The following PIP5K1A variants were observed in gnomAD, a reference collection of about 807,000 sequenced individuals.
PIP5K1A encodes phosphatidylinositol-4-phosphate 5-kinase type 1 alpha.
Under a neutral mutation model 72.9 loss-of-function variants are expected in PIP5K1A, and 46 were observed. The observed-to-expected ratio is 0.63, with a 90% CI of 0.50 to 0.81. The LOEUF (loss-of-function observed/expected upper bound fraction) is 0.81, where lower values mean the gene tolerates loss of function less well. Ranked by LOEUF, PIP5K1A falls within the 30% of genes least tolerant of loss-of-function variation. The probability of loss-of-function intolerance (pLI) is 0.00; values close to 1 mark genes in which losing one functional copy is unlikely to be tolerated. For missense variants in PIP5K1A, 458 were observed against 706.1 expected, an observed-to-expected ratio of 0.65 and a Z score of 3.98; for synonymous variants, 228 against 255.1, an observed-to-expected ratio of 0.89 and a Z score of 1.01.
upstream of PIP5K1A, among the ~76,000 whole-genome samples, chr1:151,196,678 C>T (rs193145677): frequency 1.3e-3 from 191 of 150,488 alleles, 1 homozygote; most frequent in African/African-American, 4.5e-3. Context: ...CCTCAGCCTC[C>T]GGCGTAGCGA....
Position 151,238,276 on chromosome 1 carries a change from T to C in PIP5K1A, c.1229+11T>C. 2 of 1,537,424 alleles carry C rather than the reference T, an allele frequency of 1.3e-6. No homozygotes were observed. Among genetic ancestry groups the C allele is most frequent in the Non-Finnish European group, 1.8e-6 (2 of 1,110,164 alleles). ...TCTACAGTCTTACAGGTGAGGAGCA[T>C]ATGGATCCCAAATTAAGAGAGGGTG... On this transcript the variant is annotated intron_variant, in intron 10 of 15. Coordinates refer to ENST00000368888, the MANE Select transcript of PIP5K1A (RefSeq NM_001135638.2).
chr1:151,199,313 T>C, intron 1 of PIP5K1A: 1 of 784,726 alleles, frequency 1.3e-6, no homozygotes, highest in Non-Finnish European at 1.9e-6. Flanking sequence ...GGATGGAGAT[T>C]GAAGGTGGGG....
At chr1:151,239,272 T>C in intron 11 of PIP5K1A, 94 bp downstream of exon 11, 1 of 818,004 alleles carries the variant, frequency 1.2e-6, no homozygotes, top group Non-Finnish European at 2.0e-6. Flanking sequence ...CTTTTTTCTT[T>C]TTTCTTTTTT....
intron 1 of PIP5K1A, among the ~76,000 whole-genome samples, chr1:151,214,446 T>A (rs945437160): frequency 2.8e-4 from 43 of 151,974 alleles, no homozygotes; most frequent in African/African-American, 1.0e-3. Context: ...AGTGACCCCA[T>A]CTCGGCTCAC....
At chr1:151,243,685 T>A (rs1403986352) in intron 14 of PIP5K1A, among the ~76,000 whole-genome samples, 1 of 152,208 alleles carries the variant, frequency 6.6e-6, no homozygotes. Flanking sequence ...CTGAGTTCTT[T>A]TCTCAGGCTG....
chr1:151,216,228 A>T (rs938825195), intron 1 of PIP5K1A, among the ~76,000 whole-genome samples: 2 of 152,008 alleles, frequency 1.3e-5, no homozygotes, highest in African/African-American at 4.8e-5. Flanking sequence ...GGGTGCCTGT[A>T]GTCCCAGCTA....
chr1:151,232,809 G>A (rs1441070113), intron 7 of PIP5K1A, 106 bp downstream of exon 7: 20 of 1,045,590 alleles, frequency 1.9e-5, no homozygotes, highest in Non-Finnish European at 2.8e-5. Context: ...TATCTTAAGA[G>A]TGTAGTTCAG....
chr1:151,227,588 T>C (rs1040997036), intron 4 of PIP5K1A, among the ~76,000 whole-genome samples, 188 bp downstream of exon 4: 3 of 152,224 alleles, frequency 2.0e-5, no homozygotes, highest in Non-Finnish European at 4.4e-5. Flanking sequence ...TGTATATGAA[T>C]GTTTAAATGA....
At chr1:151,218,494 A>G (rs961105629) in intron 1 of PIP5K1A, among the ~76,000 whole-genome samples, 5 of 152,088 alleles carry the variant, frequency 3.3e-5, no homozygotes, top group African/African-American at 1.2e-4. Context: ...TTCTAGTTCC[A>G]TTGGTGCTTT....
chr1:151,197,361 C>T (rs1684653934), upstream of PIP5K1A, among the ~76,000 whole-genome samples: 1 of 152,176 alleles, frequency 6.6e-6, no homozygotes, highest in Admixed American at 6.5e-5. Flanking sequence ...TCACTGCAAG[C>T]TCCGCCTCCC....
intron 7 of PIP5K1A, 50 bp downstream of exon 7, chr1:151,232,753 G>C: frequency 6.6e-7 from 1 of 1,511,384 alleles, no homozygotes; most frequent in South Asian, 1.1e-5. Flanking sequence ...TTCTGGGCAA[G>C]GCTGGGGAGG....
chr1:151,200,584 A>G (rs1382044804), intron 1 of PIP5K1A, among the ~76,000 whole-genome samples: 1 of 152,138 alleles, frequency 6.6e-6, no homozygotes, highest in Non-Finnish European at 1.5e-5. Context: ...TTTGCTGTTT[A>G]GAATTTGCTG....
chr1:151,198,994 A>G lies in PIP5K1A; in HGVS notation c.-3A>G, dbSNP rs1490104462. On this transcript the variant is annotated 5_prime_UTR_variant, in exon 1 of 16. Coordinates refer to ENST00000368888, the MANE Select transcript of PIP5K1A (RefSeq NM_001135638.2). ...GGCCGCTGAGGGGGAGGGGGCTGCT[A>G]AGATGGCGTCGGCCTCCTCCGGGCC... The G allele has an allele frequency of 7.4e-6, 12 of 1,613,710 alleles. No individual in the cohort carries two copies. Among genetic ancestry groups the G allele is most frequent in the Non-Finnish European group, 1.0e-5 (12 of 1,179,786 alleles).
At chr1:151,203,822 CAAA>C (rs587774732) in intron 1 of PIP5K1A, among the ~76,000 whole-genome samples, 9 of 83,584 alleles carry the variant, frequency 1.1e-4, no homozygotes, top group East Asian at 3.2e-4. Flanking sequence ...GACTCTGTCT[CAAA>C]AAAAAAAAAA....
intron 1 of PIP5K1A, among the ~76,000 whole-genome samples, chr1:151,202,904 C>G (rs587750362): frequency 5.5e-4 from 83 of 151,158 alleles, no homozygotes; most frequent in African/African-American, 2.0e-3. Context: ...TCCCAAGTAA[C>G]TGAGATTACA....
Position 151,239,974 on chromosome 1 carries a change from G to A in PIP5K1A, c.1298G>A (p.Arg433His), listed in dbSNP as rs1433513533. 11 of 1,612,324 alleles carry A rather than the reference G, an allele frequency of 6.8e-6. No individual in the cohort carries two copies. Among genetic ancestry groups the A allele is most frequent in the Admixed American group, 3.3e-5 (2 of 59,866 alleles). ...CTGCAGGACACTGTCTCAGTGCATC[G>A]CCCAGGCTTCTACGCTGAACGGTTC... ...VHDGDTVSVH[R>H]PGFYAERFQR... is the part of the protein sequence containing the mutation. Residue 433 changes from arginine (R) to histidine (H), a missense_variant, in exon 12 of 16, where the codon CGC (arginine) becomes CAC (histidine). Coordinates refer to ENST00000368888, the MANE Select transcript of PIP5K1A (RefSeq NM_001135638.2).
Position 151,211,762 on chromosome 1 carries a change from T to A in PIP5K1A, c.86-12483T>A, listed in dbSNP as rs190339624. Among the ~76,000 whole-genome samples, 662 of 145,456 alleles carry A rather than the reference T, an allele frequency of 4.6e-3. 7 individuals carry two copies. Among genetic ancestry groups the A allele is most frequent in the African/African-American group, 0.016 (625 of 39,184 alleles). ...CGGAGCTTGCAGTGAGCCAAGATCG[T>A]GCCACTGCACTCCAGCCTGGGCGAC... is the stretch of plus-strand genomic sequence containing the variant. On this transcript the variant is annotated intron_variant, in intron 1 of 15. Coordinates refer to ENST00000368888, the MANE Select transcript of PIP5K1A (RefSeq NM_001135638.2).
chr1:151,227,391 A>G lies in PIP5K1A; in HGVS notation c.228A>G (p.Thr76=). 2.5e-6 allele frequency: 4 copies of G among 1,609,722 alleles called. No homozygotes were observed. Among genetic ancestry groups the G allele is most frequent in the South Asian group, 1.1e-5 (1 of 91,002 alleles). ...HRSVDSSGET[T]YKKTTSSALK... is the part of the protein sequence containing the mutation. ...GTGTTGATTCCTCAGGAGAGACAACATATAAAAAGGTGTGTCTGGATGAAA... is the reference window on the plus strand; with the variant it reads ...GTGTTGATTCCTCAGGAGAGACAACGTATAAAAAGGTGTGTCTGGATGAAA... The change falls in exon 4 of 16, where the codon ACA becomes ACG. Residue 76 remains threonine (T), a synonymous_variant. Transcript: ENST00000368888.
At chr1:151,199,592 C>T (rs1213858246) in intron 1 of PIP5K1A, among the ~76,000 whole-genome samples, 2 of 144,686 alleles carry the variant, frequency 1.4e-5, no homozygotes, top group East Asian at 2.0e-4. Context: ...CCAGTCTGGG[C>T]GAGAGAGTGA....
Sources: gnomAD v4.1 joint callset for allele counts (sites outside exome capture counted in the v4.1 genomes callset) on GRCh38, gnomAD v4.1.1 for gene constraint, MANE v1.5 for transcripts, NCBI Gene and HGNC (gene_info 2026-07-23, HGNC 2026-07-21) for gene names.